The following NGEF variants were observed in gnomAD, a reference collection of about 807,000 sequenced individuals.
NGEF encodes the protein ephexin-1.
Under a neutral mutation model 80.9 loss-of-function variants are expected in NGEF, and 31 were observed. The ratio of observed to expected loss-of-function variants is 0.38; its 90% CI spans 0.29 to 0.52. The LOEUF is 0.52. Among genes scored for constraint, NGEF ranks in the 20% least tolerant of loss-of-function variants. The pLI is 0.84. For synonymous variants in NGEF, 371 were observed against 370.2 expected (o/e 1.00, Z -0.03); for missense variants, 709 against 926.2 (o/e 0.77, Z 3.04).
At chr2:232,976,124 C>T (rs552884576) in intron 1 of NGEF, among the ~76,000 whole-genome samples, 1 of 152,252 alleles carries the variant, frequency 6.6e-6, no homozygotes, top group South Asian at 2.1e-4. Flanking sequence ...TCGCTTGAAT[C>T]TGGGAGGTGG....
intron 5 of NGEF, among the ~76,000 whole-genome samples, chr2:232,914,647 G>A (rs550411438): frequency 7.9e-5 from 12 of 152,244 alleles, no homozygotes; most frequent in South Asian, 6.2e-4. Context: ...AGGTTACAGC[G>A]AACCAAGATT....
chr2:232,964,433 C>T (rs1470375648), intron 3 of NGEF, among the ~76,000 whole-genome samples: 2 of 152,098 alleles, frequency 1.3e-5, no homozygotes, highest in African/African-American at 2.4e-5. Context: ...TGGCTCGCAC[C>T]TGTAATCCCA....
chr2:233,002,041 G>A (rs1271143010), intron 1 of NGEF, among the ~76,000 whole-genome samples: 1 of 151,962 alleles, frequency 6.6e-6, no homozygotes, highest in Non-Finnish European at 1.5e-5. Context: ...AAGAAAGTGA[G>A]CAGTAATGGC....
intron 5 of NGEF, among the ~76,000 whole-genome samples, chr2:232,918,435 T>C (rs370989544): frequency 1.3e-5 from 2 of 151,762 alleles, no homozygotes; most frequent in East Asian, 3.9e-4. Context: ...AATGGAGGAG[T>C]GTAAGCCGTT....
intron 8 of NGEF, among the ~76,000 whole-genome samples, chr2:232,888,511 A>C (rs1013852097): frequency 6.6e-6 from 1 of 151,580 alleles, no homozygotes; most frequent in Non-Finnish European, 1.5e-5. Context: ...AAACATGCAT[A>C]CAAGCATGTG....
At chr2:232,902,769 G>C (rs1692391887) in intron 5 of NGEF, among the ~76,000 whole-genome samples, 1 of 152,200 alleles carries the variant, frequency 6.6e-6, no homozygotes, top group Non-Finnish European at 1.5e-5. Context: ...GGGAGGCCCA[G>C]GCGGGTGGAT....
At chr2:232,895,617 G>A (rs1387164304) in intron 5 of NGEF, among the ~76,000 whole-genome samples, 12 of 151,958 alleles carry the variant, frequency 7.9e-5, no homozygotes, top group Non-Finnish European at 2.9e-5. Context: ...TAGTGGGTGC[G>A]AAAGTCAGCA....
chr2:232,969,218 AG>A (rs1391294887), intron 3 of NGEF, among the ~76,000 whole-genome samples: 3 of 152,218 alleles, frequency 2.0e-5, no homozygotes, highest in Non-Finnish European at 4.4e-5. Context: ...ATAAACATAT[AG>A]AAAAAAAAGA....
chr2:232,960,270 T>C (rs2106313478), intron 3 of NGEF, among the ~76,000 whole-genome samples: 1 of 152,380 alleles, frequency 6.6e-6, no homozygotes, highest in South Asian at 2.1e-4. Flanking sequence ...TGTGGCACTT[T>C]TGTGATATGA....
intron 5 of NGEF, among the ~76,000 whole-genome samples, chr2:232,912,988 T>G (rs1414479990): frequency 6.6e-6 from 1 of 152,212 alleles, no homozygotes; most frequent in East Asian, 1.9e-4. Flanking sequence ...TTTAAAAAAT[T>G]TCCCATGTTG....
Position 232,892,943 on chromosome 2 carries a change from T to G in NGEF, c.1097A>C (p.Tyr366Ser). The change falls in exon 7 of 15, where the codon TAC becomes TCC. Residue 366 changes from tyrosine to serine, a missense_variant. Tyr to Ser is a moderately radical substitution (Grantham distance 144). Coordinates refer to ENST00000264051, the MANE Select transcript of NGEF (RefSeq NM_019850.3). This position sits in a 1 kb window ranked among gnomAD's most constrained non-coding sequence, Gnocchi z 4.0. ...AADHFSVYIT[Y>S]VSNQTYQERT... ...CTCCTGGTAGGTCTGATTGCTGACG[T>G]AGGTGATGTAGACAGAGAAGTGGTC... The G allele has an allele frequency of 6.2e-7, 1 of 1,613,516 alleles. No homozygotes were observed. Among genetic ancestry groups the G allele is most frequent in the Non-Finnish European group, 8.5e-7 (1 of 1,179,936 alleles).
chr2:232,922,652 A>G (rs1400724310), intron 4 of NGEF, among the ~76,000 whole-genome samples: 1 of 152,248 alleles, frequency 6.6e-6, no homozygotes, highest in Non-Finnish European at 1.5e-5. Flanking sequence ...CTGACACTGC[A>G]CTGCGGTTAC....
intron 5 of NGEF, among the ~76,000 whole-genome samples, chr2:232,910,072 C>T (rs976210020): frequency 5.3e-5 from 8 of 152,028 alleles, no homozygotes; most frequent in African/African-American, 1.9e-4. Context: ...ATTTTGGTCT[C>T]CAGGGGACAT....
chr2:232,894,013 G>A (rs929042518), intron 6 of NGEF, among the ~76,000 whole-genome samples: 13 of 152,166 alleles, frequency 8.5e-5, no homozygotes, highest in Admixed American at 7.9e-4. Context: ...TGCTCAGAGC[G>A]GGGCTGCGCC....
rs571397446 is a variant in NGEF at position 232,987,625 on chromosome 2, C to T, written c.-74-12661G>A. Among the ~76,000 whole-genome samples the T allele has an allele frequency of 1.5e-3, 227 of 152,168 alleles. 2 individuals carry two copies. The highest frequency in any genetic ancestry group is 2.7e-3 in the Non-Finnish European group (185 of 68,008). On this transcript the variant is annotated intron_variant, in intron 1 of 14. Coordinates refer to ENST00000264051, the MANE Select transcript of NGEF (RefSeq NM_019850.3). ...AACCCATGGGCCCATTCCAGAGTCT[C>T]CTGGGAAAGGGTTCTGAGAGCCTAG...
At chr2:232,887,886 G>A (rs1007659295) in intron 9 of NGEF, 147 bp downstream of exon 9, 2 of 707,264 alleles carry the variant, frequency 2.8e-6, no homozygotes, top group Non-Finnish European at 5.1e-6. Context: ...AAGCCCCAGT[G>A]ACTCTTTTGA....
chr2:232,902,893 C>G (rs549035526), intron 5 of NGEF, among the ~76,000 whole-genome samples: 1 of 152,290 alleles, frequency 6.6e-6, no homozygotes, highest in East Asian at 1.9e-4. Flanking sequence ...ACTTGGGAGG[C>G]TCAGGTGGAA....
chr2:233,008,632 G>A (rs1695138306), intron 1 of NGEF, among the ~76,000 whole-genome samples: 1 of 152,180 alleles, frequency 6.6e-6, no homozygotes. Flanking sequence ...ATCCCTTGAA[G>A]GGCACTGTCC....
chr2:232,985,970 A>T (rs1311130479), intron 1 of NGEF, among the ~76,000 whole-genome samples: 2 of 152,012 alleles, frequency 1.3e-5, no homozygotes, highest in Non-Finnish European at 2.9e-5. Context: ...AAAAAAAAGA[A>T]TTCAGTTTAT....
Sources: gnomAD v4.1 joint callset for allele counts (sites outside exome capture counted in the v4.1 genomes callset) on GRCh38, gnomAD v4.1.1 for gene constraint, Gnocchi (gnomAD v3.1) non-coding constraint, MANE v1.5 for transcripts, NCBI Gene and HGNC (gene_info 2026-07-23, HGNC 2026-07-21) for gene names.